The following NAV3 variants were observed in gnomAD, a reference collection of about 807,000 sequenced individuals.
NAV3 encodes the protein pore membrane and/or filament interacting like protein 1.
A neutral mutation model predicts 244.7 loss-of-function variants in NAV3; 87 were observed. The observed-to-expected ratio is 0.36, with a 90% CI of 0.30 to 0.42. The LOEUF (loss-of-function observed/expected upper bound fraction) is 0.42. Among genes scored for constraint, NAV3 ranks in the 20% least tolerant of loss-of-function variants. The pLI is 1.00. For synonymous variants in NAV3, 1,126 were observed against 1,042.2 expected (o/e 1.08, Z -1.55); for missense variants, 2,663 against 2,893.3 (o/e 0.92, Z 1.83).
At chr12:78,080,944 C>T (rs1000349993) in intron 12 of NAV3, among the ~76,000 whole-genome samples, 1 of 152,190 alleles carries the variant, frequency 6.6e-6, no homozygotes. Flanking sequence ...TCCTGTCAAC[C>T]ACAGGCAATT....
intron 20 of NAV3, among the ~76,000 whole-genome samples, chr12:78,145,704 C>T (rs955903282): frequency 1.5e-4 from 23 of 152,266 alleles, no homozygotes; most frequent in Admixed American, 3.9e-4. Flanking sequence ...TTTCCATAAG[C>T]TGCATAGCCA....
At chr12:77,971,572 A>G (rs1441616316) in intron 5 of NAV3, among the ~76,000 whole-genome samples, 1 of 152,166 alleles carries the variant, frequency 6.6e-6, no homozygotes, top group Non-Finnish European at 1.5e-5. Context: ...AAAGGCCACA[A>G]TGATAATATA....
At chr12:77,931,662 C>T (rs1888809065) in intron 1 of NAV3, among the ~76,000 whole-genome samples, 2 of 151,918 alleles carry the variant, frequency 1.3e-5, no homozygotes, top group South Asian at 2.1e-4. Flanking sequence ...GTCAGGAGAT[C>T]GAGACCATCC....
chr12:77,700,752 T>A (rs1875524470), intron 2 of NAV3, among the ~76,000 whole-genome samples: 1 of 151,972 alleles, frequency 6.6e-6, no homozygotes, highest in Non-Finnish European at 1.5e-5. Context: ...GTTTTTATTA[T>A]TTATTATGAA....
At chr12:78,157,356 C>T (rs947747915) in intron 22 of NAV3, among the ~76,000 whole-genome samples, 2 of 150,498 alleles carry the variant, frequency 1.3e-5, no homozygotes, top group African/African-American at 4.9e-5. Flanking sequence ...TGGAGAGTAA[C>T]CCAGGCAACA....
chr12:78,183,902 G>A (rs1461258038), intron 30 of NAV3, among the ~76,000 whole-genome samples: 1 of 151,694 alleles, frequency 6.6e-6, no homozygotes, highest in Non-Finnish European at 1.5e-5. Context: ...AAACATCTCT[G>A]TGTTCCTTTA....
At chr12:78,180,335 A>G (rs1439619956) in intron 29 of NAV3, among the ~76,000 whole-genome samples, 1 of 152,092 alleles carries the variant, frequency 6.6e-6, no homozygotes, top group Non-Finnish European at 1.5e-5. Context: ...ATGTTCATCT[A>G]AAGACTTTTG....
chr12:77,736,508 G>T (rs1209947882), intron 2 of NAV3, among the ~76,000 whole-genome samples: 1 of 152,142 alleles, frequency 6.6e-6, no homozygotes, highest in Non-Finnish European at 1.5e-5. Flanking sequence ...AGACAGCATG[G>T]CTTCTCTCTT....
intron 3 of NAV3, among the ~76,000 whole-genome samples, chr12:77,957,816 G>T (rs1891510644): frequency 6.6e-6 from 1 of 152,008 alleles, no homozygotes; most frequent in Non-Finnish European, 1.5e-5. Flanking sequence ...ACAGAAGCCT[G>T]CCACCATGTC....
At position 77,845,650 on chromosome 12, in the gene NAV3, A is replaced by G. The variant is rs1592763412; in HGVS notation, c.243+13946A>G. Among the ~76,000 whole-genome samples, 3 of 143,774 alleles carry G rather than the reference A, an allele frequency of 2.1e-5. No homozygotes were observed. In the South Asian group the frequency reaches 6.6e-4, roughly 31 times the overall value. The allele number at this position is 143,774 out of a possible 152,430, so 94.3% of individuals were successfully genotyped here. Reference sequence around the variant, plus strand: ...TTTCATTAAGTTTGATTAGGCTAATACTTTTTTTTTTTTTTTTTTTGAGAT... The same window carrying G: ...TTTCATTAAGTTTGATTAGGCTAATGCTTTTTTTTTTTTTTTTTTTGAGAT... On this transcript the variant is annotated intron_variant, in intron 1 of 39. Transcript: ENST00000397909.
rs946637740 is a variant in NAV3, at chr12:77,643,006, T to C, written c.72+70740T>C. Among the ~76,000 whole-genome samples, 15 of 152,074 alleles carry C rather than the reference T, an allele frequency of 9.9e-5. 2 individuals are homozygous for C. The highest frequency in any genetic ancestry group is 9.2e-4 in the Admixed American group (14 of 15,234). Reference sequence around the variant, plus strand: ...TATTATCTTTCTTTTCCAAACTTTCTATATCCATTAAGTTTCATGTCACTT... The same window carrying C: ...TATTATCTTTCTTTTCCAAACTTTCCATATCCATTAAGTTTCATGTCACTT... On this transcript the variant is annotated intron_variant, in intron 2 of 8. Coordinates refer to the NAV3 transcript ENST00000550042.
intron 9 of NAV3, chr12:78,036,712 ATATAC>A (rs1487430061): frequency 3.5e-6 from 2 of 564,810 alleles, no homozygotes; most frequent in African/African-American, 3.7e-5. Flanking sequence ...AAATAATTAT[ATATAC>A]TATATCTCTA....
intron 2 of NAV3, among the ~76,000 whole-genome samples, chr12:77,585,869 TA>T (rs1869582844): frequency 6.6e-6 from 1 of 152,146 alleles, no homozygotes; most frequent in South Asian, 2.1e-4. Flanking sequence ...TGTCTATTCT[TA>T]AAAATTTGCT....
chr12:77,904,388 G>A (rs199789839), intron 1 of NAV3, among the ~76,000 whole-genome samples: 17,092 of 151,922 alleles, frequency 0.11, 1,098 homozygotes, highest in South Asian at 0.21. Flanking sequence ...GCAAACTATC[G>A]CAAGGACAAA....
At chr12:77,714,911 T>C (rs562815967) in intron 2 of NAV3, among the ~76,000 whole-genome samples, 1 of 152,220 alleles carries the variant, frequency 6.6e-6, no homozygotes, top group South Asian at 2.1e-4. Flanking sequence ...ACATAATTTT[T>C]AGATTCACGA....
intron 3 of NAV3, among the ~76,000 whole-genome samples, chr12:77,962,526 T>A (rs539044421): frequency 2.2e-4 from 33 of 152,250 alleles, no homozygotes; most frequent in Non-Finnish European, 4.3e-4. Flanking sequence ...TCCCATCAAT[T>A]TCTCTCAGAA....
At chr12:77,584,564 AG>A (rs1455464717) in intron 2 of NAV3, among the ~76,000 whole-genome samples, 1 of 152,180 alleles carries the variant, frequency 6.6e-6, no homozygotes, top group Non-Finnish European at 1.5e-5. Flanking sequence ...CAAAGGGCAA[AG>A]CTATCAAAGC....
intron 2 of NAV3, among the ~76,000 whole-genome samples, chr12:77,596,274 A>G (rs1237024840): frequency 6.6e-6 from 1 of 152,210 alleles, no homozygotes; most frequent in African/African-American, 2.4e-5. Flanking sequence ...TTTTGTAAGA[A>G]CTGAAAAATG....
In NAV3 at chr12:78,006,646, G is replaced by A. The variant is rs759204551; in HGVS notation, c.1108G>A (p.Val370Ile). Residue 370 changes from valine to isoleucine, a missense_variant, in exon 8 of 40, where the codon GTC becomes ATC. Val to Ile is a conservative substitution (Grantham distance 29, BLOSUM62 3). Coordinates refer to ENST00000397909, the MANE Select transcript of NAV3 (RefSeq NM_001024383.2). ...TPSSDRLKPP[V>I]SEGVKTAPSG... Reference sequence around the variant, plus strand: ...ATCTTCAGACAGACTGAAGCCACCTGTCTCAGAAGGGGTCAAAACTGCTCC... The same window carrying A: ...ATCTTCAGACAGACTGAAGCCACCTATCTCAGAAGGGGTCAAAACTGCTCC... 1 of 1,614,138 alleles carries A rather than the reference G, an allele frequency of 6.2e-7. No homozygotes were observed. Among genetic ancestry groups the A allele is most frequent in the Non-Finnish European group, 8.5e-7 (1 of 1,180,040 alleles).
Sources: allele counts gnomAD v4.1 joint callset (sites outside exome capture counted in the v4.1 genomes callset), GRCh38; gene constraint gnomAD v4.1.1; transcripts MANE v1.5; gene names NCBI Gene and HGNC (gene_info 2026-07-23, HGNC 2026-07-21).